The following PRH1 variants were observed in gnomAD, a reference collection of about 807,000 sequenced individuals.
PRH1 encodes proline rich protein HaeIII subfamily 1.
PRH1 carries 7 observed loss-of-function variants against 7.9 expected under a neutral mutation model. The ratio of observed to expected loss-of-function variants is 0.89; its 90% CI spans 0.50 to 1.67. The LOEUF (loss-of-function observed/expected upper bound fraction) is 1.67, where lower values mean the gene tolerates loss of function less well. Ranked by LOEUF, PRH1 falls within the 40% of genes most tolerant of loss-of-function variation. PRH1 has a pLI of 0.00. For missense variants in PRH1, 109 were observed against 223.6 expected (o/e 0.49, Z 3.27); for synonymous variants, 45 against 80.8 (o/e 0.56, Z 2.38).
intron 2 of PRH1, among the ~76,000 whole-genome samples, chr12:10,959,247 A>G (rs757308201): frequency 6.6e-6 from 1 of 152,140 alleles, no homozygotes; most frequent in African/African-American, 2.4e-5. Context: ...CAAATCTGAC[A>G]ATTGGGGGAA....
intron 2 of PRH1, chr12:10,929,459 T>C (rs1040745528): frequency 4.0e-6 from 5 of 1,235,930 alleles, no homozygotes; most frequent in Non-Finnish European, 5.7e-6. Context: ...AGAGTTCTCA[T>C]GCCAAGGATC....
At chr12:11,086,333 A>C (rs1944695207) in intron 1 of PRH1, among the ~76,000 whole-genome samples, 1 of 117,968 alleles carries the variant, frequency 8.5e-6, no homozygotes, top group African/African-American at 2.8e-5. Context: ...TCGGACACTT[A>C]AAAAACGTGT....
At chr12:10,962,961 C>G (rs1456432273) in intron 2 of PRH1, among the ~76,000 whole-genome samples, 1 of 152,064 alleles carries the variant, frequency 6.6e-6, no homozygotes, top group African/African-American at 2.4e-5. Flanking sequence ...TAGCAGAGAC[C>G]GGGTTTCACA....
intron 1 of PRH1, among the ~76,000 whole-genome samples, chr12:11,124,214 G>A (rs1592058407): frequency 6.6e-6 from 1 of 152,376 alleles, no homozygotes; most frequent in East Asian, 1.9e-4. Context: ...CATTGCAATA[G>A]ATAAAATATA....
chr12:11,102,593 A>C (rs1945288181), intron 1 of PRH1, among the ~76,000 whole-genome samples: 1 of 152,214 alleles, frequency 6.6e-6, no homozygotes, highest in Non-Finnish European at 1.5e-5. Flanking sequence ...AAAACCCTAG[A>C]AGTAAACCTA....
chr12:11,168,049 TTTCA>T (rs1464324559), intron 1 of PRH1, among the ~76,000 whole-genome samples: 2 of 151,732 alleles, frequency 1.3e-5, no homozygotes, highest in Non-Finnish European at 2.9e-5. Flanking sequence ...ATTAAATGTG[TTTCA>T]TTGTCTAAAA....
intron 1 of PRH1, among the ~76,000 whole-genome samples, chr12:11,135,416 GC>G (rs1378345340): frequency 6.6e-6 from 1 of 152,032 alleles, no homozygotes; most frequent in African/African-American, 2.4e-5. Flanking sequence ...AAGGCAGATT[GC>G]CCCCCACCTG....
rs180871638 is a variant in PRH1, at chr12:11,093,607, C to T, written n.124-46419G>A. ...TAATGTTTAAATATTTATTATTATACAAAATATTTAGCAATTTTATAACAA... is the reference window on the plus strand; with the variant it reads ...TAATGTTTAAATATTTATTATTATATAAAATATTTAGCAATTTTATAACAA... On this transcript the variant is annotated intron_variant and non_coding_transcript_variant, in intron 1 of 4. Transcript: ENST00000541977. 8.7e-5 allele frequency among the ~76,000 whole-genome samples: 10 copies of T among 115,404 alleles called. 3 individuals carry two copies. Among genetic ancestry groups the T allele is most frequent in the African/African-American group, 2.9e-4 (10 of 34,480 alleles). The allele number at this position is 115,404 out of a possible 152,430, so 75.7% of individuals were successfully genotyped here.
At position 10,984,496 on chromosome 12, in the gene PRH1, A is replaced by C. The variant is rs1466792310; in HGVS notation, c.-125-10775T>G. On this transcript the variant is annotated intron_variant, in intron 1 of 3. Transcript: ENST00000539853. ...TAGTTAGTTTACTGCTTTATTCACC[A>C]ATTTACTTGTTCATCAAAATATTCT... 2.0e-5 allele frequency among the ~76,000 whole-genome samples: 3 copies of C among 152,108 alleles called. No individual in the cohort carries two copies. The East Asian group carries it at 5.8e-4, about 29-fold the overall frequency.
intron 2 of PRH1, among the ~76,000 whole-genome samples, chr12:10,957,618 G>C (rs1393497815): frequency 1.3e-5 from 2 of 152,076 alleles, no homozygotes; most frequent in Non-Finnish European, 2.9e-5. Context: ...ACTATCAACA[G>C]AGTAAACAGA....
At chr12:11,116,531 T>C (rs181548300), downstream of PRH1, among the ~76,000 whole-genome samples, 227 of 152,232 alleles carry the variant, frequency 1.5e-3, no homozygotes, top group African/African-American at 5.1e-3. Context: ...ACACAAACTA[T>C]TCTGAAAAAC....
chr12:11,039,160 T>C (rs572342062), intron 1 of PRH1, among the ~76,000 whole-genome samples: 2 of 152,360 alleles, frequency 1.3e-5, no homozygotes, highest in African/African-American at 2.4e-5. Context: ...ATTGTTGTTA[T>C]TGAAAAAATG....
upstream of PRH1, among the ~76,000 whole-genome samples, chr12:10,887,993 T>C (rs1949518789): frequency 2.0e-5 from 3 of 152,228 alleles, no homozygotes; most frequent in Admixed American, 2.0e-4. Flanking sequence ...GCATAGTATG[T>C]ATAATAGGTC....
At chr12:11,100,629 G>A (rs1044886805) in intron 1 of PRH1, among the ~76,000 whole-genome samples, 162 of 152,228 alleles carry the variant, frequency 1.1e-3, no homozygotes, top group African/African-American at 3.7e-3. Flanking sequence ...ACATCAAATA[G>A]TAAAACAGTA....
At chr12:10,910,675 G>A (rs985882591) in intron 2 of PRH1, among the ~76,000 whole-genome samples, 2 of 151,756 alleles carry the variant, frequency 1.3e-5, no homozygotes, top group Admixed American at 6.6e-5. Context: ...AAAAACTACC[G>A]AAAAAAAGTG....
chr12:11,068,959 G>T (rs1943942610), intron 1 of PRH1, among the ~76,000 whole-genome samples: 2 of 140,804 alleles, frequency 1.4e-5, no homozygotes, highest in South Asian at 4.3e-4. Flanking sequence ...CCCAACTGGA[G>T]TGCAGTGGTT....
chr12:10,986,778 G>A lies in PRH1; in HGVS notation c.-125-13057C>T, dbSNP rs745998395. 2 of 1,593,328 alleles carry A rather than the reference G, an allele frequency of 1.3e-6. No individual in the cohort carries two copies. Among genetic ancestry groups the A allele is most frequent in the Non-Finnish European group, 1.7e-6 (2 of 1,175,252 alleles). On this transcript the variant is annotated intron_variant, in intron 1 of 3. Transcript: ENST00000539853. ...CACCCAGTCAATGAAATTTACCAGT[G>A]CTATGAAGCCATTGGCAAAGTTTCC...
chr12:10,906,971 C>A (rs903757125), intron 2 of PRH1, among the ~76,000 whole-genome samples: 1 of 151,934 alleles, frequency 6.6e-6, no homozygotes, highest in Non-Finnish European at 1.5e-5. Flanking sequence ...TATGAATGAC[C>A]CAAAGCATAT....
chr12:11,039,402 T>C (rs1942604105), intron 1 of PRH1, among the ~76,000 whole-genome samples: 1 of 152,264 alleles, frequency 6.6e-6, no homozygotes, highest in Non-Finnish European at 1.5e-5. Context: ...ACAGCTCAAA[T>C]TAACTCTTGT....
Sources: allele counts gnomAD v4.1 joint callset (sites outside exome capture counted in the v4.1 genomes callset), GRCh38; gene constraint gnomAD v4.1.1; transcripts MANE v1.5; gene names NCBI Gene and HGNC (gene_info 2026-07-23, HGNC 2026-07-21).